UTRN: variants seen among roughly 807,000 people sequenced by gnomAD.
UTRN encodes the protein utrophin, also known as dystrophin-related protein 1.
A neutral mutation model predicts 463.9 loss-of-function variants in UTRN; 283 were observed. The observed-to-expected ratio is 0.61, with a 90% CI of 0.55 to 0.67. The LOEUF (loss-of-function observed/expected upper bound fraction) is 0.67. UTRN is among the 30% of genes least tolerant of loss of function. The pLI is 0.00. For synonymous variants in UTRN, 1,442 were observed against 1,431.5 expected (o/e 1.01, Z -0.17); for missense variants, 3,922 against 4,084.3 (o/e 0.96, Z 1.08).
chr6:144,481,898 A>G (rs1791916070), intron 26 of UTRN, among the ~76,000 whole-genome samples: 2 of 152,236 alleles, frequency 1.3e-5, no homozygotes, highest in South Asian at 4.1e-4. Context: ...TCTCGACTAA[A>G]AAATATGAAA....
At chr6:144,423,465 C>A in intron 4 of UTRN, 84 bp from the exon 5 acceptor site, 1 of 1,405,040 alleles carries the variant, frequency 7.1e-7, no homozygotes, top group Non-Finnish European at 1.0e-6. Context: ...CTGAGCTTCA[C>A]TTCTGTGTGT....
chr6:144,555,815 G>T (rs571055431), intron 49 of UTRN, among the ~76,000 whole-genome samples: 20 of 152,312 alleles, frequency 1.3e-4, no homozygotes, highest in African/African-American at 4.6e-4. Flanking sequence ...TTGGACATGA[G>T]ATTTGGGTGG....
intron 52 of UTRN, among the ~76,000 whole-genome samples, chr6:144,685,131 T>C (rs1782618630): frequency 6.6e-6 from 1 of 152,218 alleles, no homozygotes; most frequent in Admixed American, 6.5e-5. Flanking sequence ...CATGTAGTGT[T>C]TGGTTTTCCA....
chr6:144,763,885 C>T (rs540314074), intron 58 of UTRN, among the ~76,000 whole-genome samples: 2 of 152,238 alleles, frequency 1.3e-5, no homozygotes, highest in South Asian at 2.1e-4. Context: ...TTTATTTCTC[C>T]CTTCCCTCTT....
intron 51 of UTRN, among the ~76,000 whole-genome samples, chr6:144,619,125 C>T (rs1159415339): frequency 6.6e-6 from 1 of 152,152 alleles, no homozygotes; most frequent in Middle Eastern, 3.4e-3. Flanking sequence ...ATGACTCCCT[C>T]GAGGTCTTAG....
chr6:144,557,915 A>T (rs1319757638), intron 50 of UTRN, among the ~76,000 whole-genome samples: 1 of 152,200 alleles, frequency 6.6e-6, no homozygotes, highest in Non-Finnish European at 1.5e-5. Flanking sequence ...GAATTTGAGA[A>T]ACTATAAACA....
chr6:144,360,709 C>T (rs1030713008), intron 2 of UTRN, among the ~76,000 whole-genome samples: 2 of 152,232 alleles, frequency 1.3e-5, no homozygotes, highest in South Asian at 2.1e-4. Flanking sequence ...TTCTCCAGCT[C>T]TCTTGCATCT....
At chr6:144,800,269 AT>A (rs1229483631) in intron 64 of UTRN, among the ~76,000 whole-genome samples, 1 of 152,222 alleles carries the variant, frequency 6.6e-6, no homozygotes, top group Non-Finnish European at 1.5e-5. Context: ...GAATATTAAG[AT>A]TTAACTGAGT....
chr6:144,530,933 A>C (rs1797001149), intron 41 of UTRN, 119 bp from the exon 42 acceptor site: 1 of 1,149,192 alleles, frequency 8.7e-7, no homozygotes, highest in African/African-American at 1.6e-5. Context: ...ATAGGCTGTG[A>C]ATTCAGTTGT....
At chr6:144,422,955 C>T (rs1784968246) in intron 4 of UTRN, among the ~76,000 whole-genome samples, 1 of 152,136 alleles carries the variant, frequency 6.6e-6, no homozygotes, top group African/African-American at 2.4e-5. Context: ...AGGTTCTGGC[C>T]AGTGAAGTAG....
intron 2 of UTRN, among the ~76,000 whole-genome samples, chr6:144,341,091 G>T (rs192528992): frequency 1.1e-4 from 16 of 152,274 alleles, no homozygotes; most frequent in Admixed American, 9.8e-4. Context: ...ACTATGGAAA[G>T]TTCTATTTGA....
chr6:144,561,948 G>A (rs969515822), intron 50 of UTRN, among the ~76,000 whole-genome samples: 26 of 152,108 alleles, frequency 1.7e-4, no homozygotes, highest in African/African-American at 5.8e-4. Flanking sequence ...TTTGTCCATA[G>A]TCATTTCTAA....
At chr6:144,703,014 T>C (rs1214617068) in intron 53 of UTRN, among the ~76,000 whole-genome samples, 1 of 151,896 alleles carries the variant, frequency 6.6e-6, no homozygotes, top group African/African-American at 2.4e-5. Flanking sequence ...TTATGAAGAG[T>C]AGAATATAGA....
intron 51 of UTRN, among the ~76,000 whole-genome samples, chr6:144,628,470 C>T (rs77194010): frequency 0.022 from 3,343 of 152,234 alleles, 99 homozygotes; most frequent in African/African-American, 0.075. Flanking sequence ...TGGTTTCTAT[C>T]CCACAAGAAT....
chr6:144,548,608 T>C, intron 46 of UTRN, 32 bp from the exon 47 acceptor site: 1 of 1,592,826 alleles, frequency 6.3e-7, no homozygotes, highest in Non-Finnish European at 8.6e-7. Flanking sequence ...TCCTGTTGAT[T>C]AATTTCTCTT....
Position 144,732,249 on chromosome 6 carries a change from TATATATATAC to T in UTRN, c.7939+1765_7939+1774del, listed in dbSNP as rs1562832651. 3.8e-3 allele frequency among the ~76,000 whole-genome samples: 444 copies of T among 116,754 alleles called. 4 individuals are homozygous for T. The highest frequency in any genetic ancestry group is 0.013 in the African/African-American group (315 of 24,574). The allele number at this position is 116,754 out of a possible 152,430, so 76.6% of individuals were successfully genotyped here. ...ATATATATATATATACATATATATA[TATATATATAC>T]ACACATATATATATATATACACACA... On this transcript the variant is annotated intron_variant, in intron 54 of 74. Coordinates refer to ENST00000367545, the MANE Select transcript of UTRN (RefSeq NM_007124.3).
chr6:144,382,611 C>T (rs553039223), intron 2 of UTRN, among the ~76,000 whole-genome samples: 1 of 152,254 alleles, frequency 6.6e-6, no homozygotes, highest in Non-Finnish European at 1.5e-5. Flanking sequence ...TTAAGGGTTG[C>T]ATTTTTACCC....
chr6:144,614,740 T>TGGTGTTAA (rs1320450131), intron 51 of UTRN, among the ~76,000 whole-genome samples: 1 of 152,136 alleles, frequency 6.6e-6, no homozygotes, highest in African/African-American at 2.4e-5. Context: ...TTTTGCACAG[T>TGGTGTTAA]GGTGTTAAAT....
At chr6:144,799,344 T>C (rs1777515875) in intron 64 of UTRN, 1 of 436,460 alleles carries the variant, frequency 2.3e-6, no homozygotes, top group Middle Eastern at 3.4e-4. Context: ...GCCTTGCTGC[T>C]ATGCATTCTA....
Sources: gnomAD v4.1 joint callset for allele counts (sites outside exome capture counted in the v4.1 genomes callset) on GRCh38, gnomAD v4.1.1 for gene constraint, MANE v1.5 for transcripts, NCBI Gene and HGNC (gene_info 2026-07-23, HGNC 2026-07-21) for gene names.